PPL: variants seen among roughly 807,000 people sequenced by gnomAD.
PPL encodes 190 kDa paraneoplastic pemphigus antigen.
Under a neutral mutation model 194.4 loss-of-function variants are expected in PPL, and 198 were observed. That is an observed-to-expected ratio of 1.02 (90% CI 0.91 to 1.15). The LOEUF is 1.15. PPL is among the 50% of genes most tolerant of loss of function. The pLI is 0.00. For missense variants in PPL, 2,885 were observed against 2,294.8 expected (o/e 1.26, Z -5.25); for synonymous variants, 1,220 against 972.4 (o/e 1.25, Z -4.74).
rs1302433568 is a variant in PPL, at chr16:4,895,468, C to T, written c.1096-61G>A. The T allele has an allele frequency of 1.5e-5, 24 of 1,605,100 alleles. No individual in the cohort carries two copies. The South Asian group carries it at 2.1e-4, about 14-fold the overall frequency. ...AACAGCCTTCCCCCTGGTGGGAGGA[C>T]GCAGAGCAGGGGCTGGATTCAGCAG... On this transcript the variant is annotated intron_variant, in intron 10 of 21. Coordinates refer to ENST00000345988, the MANE Select transcript of PPL (RefSeq NM_002705.5).
intron 1 of PPL, among the ~76,000 whole-genome samples, chr16:4,926,112 G>A (rs113503671): frequency 4.4e-4 from 67 of 152,226 alleles, no homozygotes; most frequent in Admixed American, 1.2e-3. Flanking sequence ...CCCTAGCACC[G>A]GAAGCAGGTT....
intron 18 of PPL, among the ~76,000 whole-genome samples, chr16:4,889,884 C>T (rs954981274): frequency 2.6e-5 from 4 of 152,200 alleles, no homozygotes; most frequent in African/African-American, 7.2e-5. Flanking sequence ...GGGATTTCCC[C>T]CACAAAGGCG....
At chr16:4,892,279 C>G in intron 14 of PPL, 66 bp from the exon 15 acceptor site, 1 of 1,523,476 alleles carries the variant, frequency 6.6e-7, no homozygotes, top group Non-Finnish European at 8.9e-7. Flanking sequence ...AGGATGTGCC[C>G]AGGGTGAGCA....
rs756486988 is a variant in PPL at position 4,884,376 on chromosome 16, G to A, written c.4279C>T (p.Leu1427=). The A allele has an allele frequency of 1.2e-6, 2 of 1,611,658 alleles. No individual in the cohort carries two copies. The highest frequency in any genetic ancestry group is 2.2e-5 in the East Asian group (1 of 44,856). Residue 1427 remains leucine, a synonymous_variant, in exon 22 of 22, where the codon CTG becomes TTG. Coordinates refer to ENST00000345988, the MANE Select transcript of PPL (RefSeq NM_002705.5). The surrounding 1 kb of genome is among the most constrained non-coding windows in gnomAD (Gnocchi z 5.7). ...EREVQRLQQR[L]AALEQEEAEA... ...GCTTCTTCCTGCTCCAGCGCTGCCA[G>A]CCGCTGCTGCAACCGCTGTACCTCG...
Position 4,883,623 on chromosome 16 carries a change from C to A in PPL, c.5032G>T (p.Gly1678Trp). ...ACGAACATGTTCCAGTCAATGAGCC[C>A]GGCACGGTGGGCTTCCTCCGGGGAC... ...ELSPEEAHRA[G>W]LIDWNMFVKL... The change falls in exon 22 of 22, where the codon GGG (glycine) becomes TGG (tryptophan). Residue 1678 changes from glycine to tryptophan, a missense_variant. Coordinates refer to ENST00000345988, the MANE Select transcript of PPL (RefSeq NM_002705.5). This position sits in a 1 kb window ranked among gnomAD's most constrained non-coding sequence, Gnocchi z 4.8. 1.2e-6 allele frequency: 2 copies of A among 1,614,168 alleles called. No individual in the cohort carries two copies. Among genetic ancestry groups the A allele is most frequent in the South Asian group, 1.1e-5 (1 of 91,084 alleles).
rs74003535 is a variant in PPL at position 4,882,997 on chromosome 16, T to C, written c.*387A>G. 5.0e-3 allele frequency: 1,173 copies of C among 233,424 alleles called. 9 individuals carry two copies. The highest frequency in any genetic ancestry group is 0.026 in the African/African-American group (1,110 of 42,742). 14.5% of individuals were successfully genotyped at this position (233,424 alleles called of 1,614,324 possible). On this transcript the variant is annotated 3_prime_UTR_variant, in exon 22 of 22. Transcript: ENST00000345988. The stretch of plus-strand genomic sequence containing the variant: ...GCCTTTGTGGGGCAGTGTCACTGTC[T>C]GGTGTGCCACCAGTACCCATGCTGC...
chr16:4,893,670 G>A, intron 12 of PPL, 32 bp from the exon 13 acceptor site: 4 of 1,535,248 alleles, frequency 2.6e-6, no homozygotes, highest in African/African-American at 1.4e-5. Flanking sequence ...GGGAACCTGG[G>A]CAGCCCACCA....
rs574011601 is a variant in PPL at position 4,882,964 on chromosome 16, G to A, written c.*420C>T. On this transcript the variant is annotated 3_prime_UTR_variant, in exon 22 of 22. Transcript: ENST00000345988. ...TGTCATGCCAGGCAGCAGCCCCCAC[G>A]GGCCCAGGCCTTTGTGGGGCAGTGT... 3.6e-5 allele frequency: 7 copies of A among 194,664 alleles called. No homozygotes were observed. The highest frequency in any genetic ancestry group is 1.8e-4 in the Admixed American group (3 of 17,140). 12.1% of individuals were successfully genotyped at this position (194,664 alleles called of 1,614,324 possible). A position where few individuals can be genotyped will look rare whatever the true frequency, so the allele number is the denominator to read the frequency against.
chr16:4,894,514 AC>A lies in PPL; in HGVS notation c.1346del (p.Cys449PhefsTer3). Reference sequence around the variant, plus strand: ...CAGGGTCTGTGGGGGGGATCACAAAACACACGGCCGGAGCAATCAGCTTGTT... The same window carrying A: ...CAGGGTCTGTGGGGGGGATCACAAAAACACGGCCGGAGCAATCAGCTTGTT... ...AGNKLIAPAVCFVIPPTDPEA... is the reference protein window; with the variant it reads ...AGNKLIAPAVXFVIPPTDPEA... On this transcript the variant is annotated frameshift_variant, in exon 12 of 22. Transcript: ENST00000345988. LOFTEE classifies it high-confidence loss of function. The A allele has an allele frequency of 6.2e-7, 1 of 1,613,834 alleles. No individual in the cohort carries two copies. The highest frequency in any genetic ancestry group is 2.2e-5 in the East Asian group (1 of 44,868).
chr16:4,883,268 G>A lies in PPL; in HGVS notation c.*116C>T, dbSNP rs966019307. On this transcript the variant is annotated 3_prime_UTR_variant, in exon 22 of 22. Coordinates refer to ENST00000345988, the MANE Select transcript of PPL (RefSeq NM_002705.5). The surrounding 1 kb of genome is among the most constrained non-coding windows in gnomAD (Gnocchi z 4.8). ...GACTCTGAGCAGCCTGGCAGCGAGG[G>A]TATGTATAAAATGCTTGGCCTGCAC... 1.4e-6 allele frequency: 2 copies of A among 1,408,872 alleles called. No homozygotes were observed. The highest frequency in any genetic ancestry group is 9.7e-7 in the Non-Finnish European group (1 of 1,027,114). The allele number at this position is 1,408,872 out of a possible 1,614,324, so 87.3% of individuals were successfully genotyped here. A position where few individuals can be genotyped will look rare whatever the true frequency, so the allele number is the denominator to read the frequency against.
rs551537831 is a variant in PPL at position 4,902,893 on chromosome 16, T to G, written c.318-367A>C. ...CAGTAGAGACGGGGTTTCACCATGT[T>G]GGTCAGGCTGGTCTCGAACTCCTGA... On this transcript the variant is annotated intron_variant, in intron 3 of 21. Transcript: ENST00000345988. This position sits in a 1 kb window ranked among gnomAD's most constrained non-coding sequence, Gnocchi z 4.0. 6.6e-6 allele frequency among the ~76,000 whole-genome samples: 1 copy of G among 152,192 alleles called. No homozygotes were observed. The highest frequency in any genetic ancestry group is 6.5e-5 in the Admixed American group (1 of 15,290).
chr16:4,913,220 CA>C (rs1408860688), intron 1 of PPL, among the ~76,000 whole-genome samples: 9 of 152,184 alleles, frequency 5.9e-5, no homozygotes, highest in Non-Finnish European at 1.3e-4. Flanking sequence ...CCCAGAACCA[CA>C]GACAGACCAC....
chr16:4,924,385 C>T (rs1239113201), intron 1 of PPL, among the ~76,000 whole-genome samples: 2 of 152,114 alleles, frequency 1.3e-5, no homozygotes, highest in Non-Finnish European at 2.9e-5. Context: ...AATAGGACTG[C>T]GAGATTCTAG....
Position 4,902,261 on chromosome 16 carries a change from A to G in PPL, c.438+145T>C. On this transcript the variant is annotated intron_variant, in intron 4 of 21. Transcript: ENST00000345988. This position sits in a 1 kb window ranked among gnomAD's most constrained non-coding sequence, Gnocchi z 4.0. ...CACTTCTCTGAGCCTCACTCTTCTC[A>G]TGGGCACACTGGAAAACCATCAGGA... 1 of 1,321,066 alleles carries G rather than the reference A, an allele frequency of 7.6e-7. No individual in the cohort carries two copies. The highest frequency in any genetic ancestry group is 1.5e-5 in the South Asian group (1 of 67,956). 81.8% of individuals were successfully genotyped at this position (1,321,066 alleles called of 1,614,324 possible). A position where few individuals can be genotyped will look rare whatever the true frequency, so the allele number is the denominator to read the frequency against.
In PPL at chr16:4,902,948, C is replaced by T. The variant is rs190642431; in HGVS notation, c.318-422G>A. Among the ~76,000 whole-genome samples the T allele has an allele frequency of 1.9e-4, 29 of 152,352 alleles. No homozygotes were observed. Among genetic ancestry groups the T allele is most frequent in the African/African-American group, 6.5e-4 (27 of 41,580 alleles). On this transcript the variant is annotated intron_variant, in intron 3 of 21. Transcript: ENST00000345988. The surrounding 1 kb of genome is among the most constrained non-coding windows in gnomAD (Gnocchi z 4.0). ...AGGTGATCCGTCCGCTTCGGCCTCC[C>T]GAAGTGCTGGGATCACAGGCGTGAG...
intron 9 of PPL, among the ~76,000 whole-genome samples, chr16:4,896,210 G>A (rs1349954563): frequency 6.6e-6 from 1 of 152,180 alleles, no homozygotes; most frequent in Admixed American, 6.5e-5. Context: ...AGCCCCCACT[G>A]TGCGGCTCAG....
intron 1 of PPL, among the ~76,000 whole-genome samples, chr16:4,917,762 C>G (rs1310899280): frequency 6.6e-6 from 1 of 151,824 alleles, no homozygotes; most frequent in African/African-American, 2.4e-5. Flanking sequence ...ATTAGCTGGG[C>G]ATGGTGATGC....
chr16:4,887,978 G>T (rs1035989375), intron 20 of PPL, 124 bp downstream of exon 20: 2 of 700,454 alleles, frequency 2.9e-6, no homozygotes, highest in Non-Finnish European at 5.1e-6. Flanking sequence ...ATGCAGGAGG[G>T]CTCTCAGTGG....
chr16:4,899,013 C>T lies in PPL; in HGVS notation c.876G>A (p.Glu292=), dbSNP rs1423606256. 6.2e-7 allele frequency: 1 copy of T among 1,613,336 alleles called. No homozygotes were observed. The highest frequency in any genetic ancestry group is 8.5e-7 in the Non-Finnish European group (1 of 1,179,768). Residue 292 remains glutamate (E), a splice_region_variant and synonymous_variant, in exon 8 of 22, where the codon GAG becomes GAA. Coordinates refer to ENST00000345988, the MANE Select transcript of PPL (RefSeq NM_002705.5). The part of the protein sequence containing the change: ...AAEHPGRNSI[E]AHMEAVHADW... ...GTGTCTGGTCTCGGGGTGCATGAAC[C>T]TCAATGGAGTTCCTCCCGGGGTGCT...
Sources: gnomAD v4.1 joint callset for allele counts (sites outside exome capture counted in the v4.1 genomes callset) on GRCh38, gnomAD v4.1.1 for gene constraint, Gnocchi (gnomAD v3.1) non-coding constraint, MANE v1.5 for transcripts, NCBI Gene and HGNC (gene_info 2026-07-23, HGNC 2026-07-21) for gene names.